The following SHTN1 variants were observed in gnomAD, a reference collection of about 807,000 sequenced individuals.
SHTN1 encodes the protein shootin 1.
A neutral mutation model predicts 83.1 loss-of-function variants in SHTN1; 42 were observed. The observed-to-expected ratio is 0.51, with a 90% CI of 0.39 to 0.65. SHTN1 has a LOEUF of 0.65. Ranked by LOEUF, SHTN1 falls within the 30% of genes least tolerant of loss-of-function variation. The probability of loss-of-function intolerance (pLI) is 0.00; values close to 1 mark genes in which losing one functional copy is unlikely to be tolerated. For missense variants in SHTN1, 622 were observed against 737.8 expected (o/e 0.84, Z 1.82); for synonymous variants, 224 against 247.7 (o/e 0.90, Z 0.90).
At chr10:116,979,108 A>T in intron 2 of SHTN1, 148 bp downstream of exon 2, 1 of 671,268 alleles carries the variant, frequency 1.5e-6, no homozygotes, top group Non-Finnish European at 2.6e-6. Context: ...TATTAGCTTG[A>T]ACCACACATG....
Position 116,949,125 on chromosome 10 carries a change from C to T in SHTN1, c.535-128G>A. On this transcript the variant is annotated intron_variant, in intron 6 of 16. Coordinates refer to ENST00000355371, the MANE Select transcript of SHTN1 (RefSeq NM_001127211.3). ...TACAATTTAAAGCAGAAATTGGTTT[C>T]AATGTGTTAGGACTTTTTATTAAAG... is the stretch of plus-strand genomic sequence containing the variant. 5.5e-6 allele frequency: 6 copies of T among 1,084,202 alleles called. No homozygotes were observed. The South Asian group carries it at 9.2e-5, about 17-fold the overall frequency. 67.2% of individuals were successfully genotyped at this position (1,084,202 alleles called of 1,614,324 possible). A position where few individuals can be genotyped will look rare whatever the true frequency, so the allele number is the denominator to read the frequency against.
chr10:117,006,514 C>G (rs1397419876), upstream of SHTN1, among the ~76,000 whole-genome samples: 1 of 146,574 alleles, frequency 6.8e-6, no homozygotes, highest in Non-Finnish European at 1.5e-5. Flanking sequence ...TGCAGTGAGC[C>G]GAGATCGCGC....
chr10:117,099,045 C>CACACACACACACA (rs60447737), intron 1 of SHTN1, among the ~76,000 whole-genome samples: 3 of 148,300 alleles, frequency 2.0e-5, no homozygotes, highest in African/African-American at 5.1e-5. Context: ...CACACACACA[C>CACACACACACACA]CATAAAAAGG....
intron 16 of SHTN1, among the ~76,000 whole-genome samples, chr10:116,897,144 G>A (rs1169997320): frequency 6.6e-6 from 1 of 152,130 alleles, no homozygotes; most frequent in Non-Finnish European, 1.5e-5. Context: ...ATGTAAAAAG[G>A]TCTAAATGCA....
At chr10:116,899,753 C>T (rs1847665240) in intron 16 of SHTN1, among the ~76,000 whole-genome samples, 1 of 152,122 alleles carries the variant, frequency 6.6e-6, no homozygotes, top group South Asian at 2.1e-4. Flanking sequence ...AAATACTTTA[C>T]TTATTAATTG....
Position 116,884,283 on chromosome 10 carries a change from AC to A in SHTN1, c.*2060del, listed in dbSNP as rs1158271242. 2 of 458,468 alleles carry A rather than the reference AC, an allele frequency of 4.4e-6. No homozygotes were observed. Among genetic ancestry groups the A allele is most frequent in the Non-Finnish European group, 8.8e-6 (2 of 227,666 alleles). 28.4% of individuals were successfully genotyped at this position (458,468 alleles called of 1,614,324 possible). Reference sequence around the variant, plus strand: ...CAGTGTCACCCCAGCCAGGGGCAAAACCCCCTCAAAACCAAAGTGAAAAGGG... The same window carrying A: ...CAGTGTCACCCCAGCCAGGGGCAAAACCCCTCAAAACCAAAGTGAAAAGGG... On this transcript the variant is annotated 3_prime_UTR_variant, in exon 17 of 17. Coordinates refer to ENST00000355371, the MANE Select transcript of SHTN1 (RefSeq NM_001127211.3).
chr10:117,123,062 G>A (rs1009479959), intron 1 of SHTN1, among the ~76,000 whole-genome samples: 49 of 152,132 alleles, frequency 3.2e-4, no homozygotes, highest in Admixed American at 4.6e-4. Flanking sequence ...GAGTGCAATG[G>A]TGTGATCTCG....
intron 1 of SHTN1, among the ~76,000 whole-genome samples, chr10:117,078,475 G>A (rs1853196988): frequency 6.6e-6 from 1 of 152,158 alleles, no homozygotes; most frequent in South Asian, 2.1e-4. Flanking sequence ...GTAGATTGTG[G>A]CCACATCATT....
intron 9 of SHTN1, among the ~76,000 whole-genome samples, chr10:116,936,837 T>C (rs1849184613): frequency 6.6e-6 from 1 of 152,228 alleles, no homozygotes; most frequent in Non-Finnish European, 1.5e-5. Flanking sequence ...TTTATGAATC[T>C]GAGTGCTCCT....
intron 3 of SHTN1, among the ~76,000 whole-genome samples, chr10:116,961,706 A>C (rs1352834719): frequency 1.3e-5 from 2 of 152,204 alleles, no homozygotes; most frequent in African/African-American, 4.8e-5. Context: ...ACTGGTAGAC[A>C]TTGTAAATAA....
chr10:116,977,823 T>A (rs991017675), intron 2 of SHTN1, among the ~76,000 whole-genome samples: 1 of 152,082 alleles, frequency 6.6e-6, no homozygotes, highest in Non-Finnish European at 1.5e-5. Context: ...TACAGGTGCA[T>A]GCCACCATGA....
At chr10:117,018,180 C>A (rs891843966) in intron 2 of SHTN1, among the ~76,000 whole-genome samples, 13 of 152,160 alleles carry the variant, frequency 8.5e-5, no homozygotes, top group Non-Finnish European at 1.8e-4. Flanking sequence ...GAGTATTATA[C>A]CAATGTTAAT....
chr10:116,954,145 A>G lies in SHTN1; in HGVS notation c.333T>C (p.Asp111=). 1 of 1,613,740 alleles carries G rather than the reference A, an allele frequency of 6.2e-7. No individual in the cohort carries two copies. The highest frequency in any genetic ancestry group is 1.7e-5 in the Admixed American group (1 of 60,018). ...SMLYMAKLGP[D]VITEEINIDD... ...CAATGTTTATCTCTTCAGTTATTACATCTGGTCCCAGCTTGGCCATGTACA... is the reference window on the plus strand; with the variant it reads ...CAATGTTTATCTCTTCAGTTATTACGTCTGGTCCCAGCTTGGCCATGTACA... The change falls in exon 5 of 17, where the codon GAT becomes GAC. Residue 111 remains aspartate, a synonymous_variant. Coordinates refer to ENST00000355371, the MANE Select transcript of SHTN1 (RefSeq NM_001127211.3).
At chr10:116,990,186 G>T (rs1334270731) in intron 1 of SHTN1, among the ~76,000 whole-genome samples, 1 of 151,830 alleles carries the variant, frequency 6.6e-6, no homozygotes, top group Non-Finnish European at 1.5e-5. Context: ...TTGAATTTGT[G>T]ACTCCTGTAG....
chr10:117,116,046 A>G (rs12572971), intron 1 of SHTN1, among the ~76,000 whole-genome samples: 3,592 of 152,272 alleles, frequency 0.024, 126 homozygotes, highest in East Asian at 0.12. Context: ...CAAAATTAGT[A>G]GAAGGAAAGA....
intron 2 of SHTN1, among the ~76,000 whole-genome samples, chr10:116,973,697 C>T (rs1188823253): frequency 6.6e-6 from 1 of 152,130 alleles, no homozygotes; most frequent in African/African-American, 2.4e-5. Flanking sequence ...AAAACATGTA[C>T]CCATTTCCTA....
Position 117,078,101 on chromosome 10 carries a change from G to A in SHTN1, c.-188-29591C>T, listed in dbSNP as rs533608743. On this transcript the variant is annotated intron_variant, in intron 1 of 17. Transcript: ENST00000392901. ...TTAGCAAACTTCCCATTCTATGGGTGCCAAATCATTATGCCCAGATCAGCT... is the reference window on the plus strand; with the variant it reads ...TTAGCAAACTTCCCATTCTATGGGTACCAAATCATTATGCCCAGATCAGCT... 2.0e-5 allele frequency among the ~76,000 whole-genome samples: 3 copies of A among 152,286 alleles called. No homozygotes were observed. The East Asian group carries it at 5.8e-4, about 29-fold the overall frequency.
chr10:117,066,939 A>C (rs1853009993), intron 1 of SHTN1, among the ~76,000 whole-genome samples: 2 of 152,256 alleles, frequency 1.3e-5, no homozygotes, highest in Admixed American at 6.5e-5. Context: ...TCAGTCACCC[A>C]GAAAACAGGC....
At chr10:117,124,391 T>TA (rs1217336892) in intron 1 of SHTN1, among the ~76,000 whole-genome samples, 1 of 152,134 alleles carries the variant, frequency 6.6e-6, no homozygotes, top group East Asian at 1.9e-4. Flanking sequence ...TTCAGAGTGG[T>TA]ATACCAGTAC....
Sources: gnomAD v4.1 joint callset for allele counts (sites outside exome capture counted in the v4.1 genomes callset) on GRCh38, gnomAD v4.1.1 for gene constraint, MANE v1.5 for transcripts, NCBI Gene and HGNC (gene_info 2026-07-23, HGNC 2026-07-21) for gene names.